Variants in THTPA observed in about 807,000 individuals in gnomAD.
The protein encoded by THTPA is thiamine triphosphatase.
Under a neutral mutation model 16.5 loss-of-function variants are expected in THTPA, and 16 were observed. The ratio of observed to expected loss-of-function variants is 0.97; its 90% CI spans 0.66 to 1.47. The LOEUF (loss-of-function observed/expected upper bound fraction) is 1.47, where lower values mean the gene tolerates loss of function less well. THTPA is among the 40% of genes most tolerant of loss of function. The pLI, the probability that THTPA is intolerant of heterozygous loss-of-function variation, is 0.00. For synonymous variants in THTPA, 110 were observed against 115.5 expected (o/e 0.95, Z 0.30); for missense variants, 281 against 280.9 (o/e 1.00, Z 0.00).
At chr14:23,523,629 G>T in the THTPA span, 1 of 1,557,160 alleles carries the variant, frequency 6.4e-7, no homozygotes. The surrounding 1 kb of genome is among the most constrained non-coding windows in gnomAD (Gnocchi z 4.1). Flanking sequence ...ACTCTCTTGG[G>T]CAGCCCAATC....
chr14:23,531,419 T>C, the THTPA span: 1 of 1,346,924 alleles, frequency 7.4e-7, no homozygotes. Context: ...GCAGCCCCCC[T>C]GCTCCCCACA....
rs1006905563 is a variant in THTPA at position 23,560,196 on chromosome 14, C to T, written c.*1356C>T. 17 of 1,588,688 alleles carry T rather than the reference C, an allele frequency of 1.1e-5. No individual in the cohort carries two copies. Among genetic ancestry groups the T allele is most frequent in the Non-Finnish European group, 1.4e-5 (16 of 1,162,334 alleles). ...CACTGTCTCCCACCCACCTCCTCCACTTAGTGGCCTTTTCTCCTGGAGTCC... is the reference window on the plus strand; with the variant it reads ...CACTGTCTCCCACCCACCTCCTCCATTTAGTGGCCTTTTCTCCTGGAGTCC... On this transcript the variant is annotated 3_prime_UTR_variant, in exon 2 of 2. Transcript: ENST00000288014.
At chr14:23,556,026 C>G (rs145388585), upstream of THTPA, 6 of 152,424 alleles carry the variant, frequency 3.9e-5, no homozygotes, top group African/African-American at 1.4e-4. Context: ...GGCTCAGCCT[C>G]AGGCATGAGA....
chr14:23,538,562 A>G, the THTPA span, among the ~76,000 whole-genome samples: 2 of 151,934 alleles, frequency 1.3e-5, no homozygotes, highest in African/African-American at 2.4e-5. Flanking sequence ...CACCCCCAAG[A>G]CCAAGATTCT....
chr14:23,523,155 GA>G, the THTPA span: 3 of 1,411,214 alleles, frequency 2.1e-6, no homozygotes, highest in Non-Finnish European at 2.8e-6. This position sits in a 1 kb window ranked among gnomAD's most constrained non-coding sequence, Gnocchi z 4.1. Flanking sequence ...CATGTCATTA[GA>G]GGGGGATGTT....
chr14:23,531,332 T>C, the THTPA span: 2 of 1,201,490 alleles, frequency 1.7e-6, no homozygotes, highest in Non-Finnish European at 2.1e-6. Context: ...TCATTCTGTC[T>C]TATCCCTTCG....
At chr14:23,550,283 G>A in the THTPA span, among the ~76,000 whole-genome samples, 2 of 152,238 alleles carry the variant, frequency 1.3e-5, no homozygotes, top group African/African-American at 4.8e-5. Context: ...AGACACATTT[G>A]CTCCATCATC....
the THTPA span, among the ~76,000 whole-genome samples, chr14:23,512,514 C>T: frequency 4.0e-5 from 6 of 151,482 alleles, no homozygotes; most frequent in Non-Finnish European, 5.9e-5. Flanking sequence ...CGAGCTCTCC[C>T]GATACCCCAC....
At chr14:23,519,878 C>A in the THTPA span, among the ~76,000 whole-genome samples, 26 of 152,156 alleles carry the variant, frequency 1.7e-4, no homozygotes, top group African/African-American at 6.0e-4. Context: ...AATGATAGAG[C>A]AACAGCCTGG....
the THTPA span, chr14:23,528,900 A>G: frequency 1.1e-6 from 1 of 915,040 alleles, no homozygotes; most frequent in South Asian, 5.0e-5. Context: ...TGTGTCAGGG[A>G]GGGGATGACT....
chr14:23,524,914 G>A, the THTPA span: 134 of 1,536,140 alleles, frequency 8.7e-5, no homozygotes, highest in East Asian at 2.7e-4. The surrounding 1 kb of genome is among the most constrained non-coding windows in gnomAD (Gnocchi z 5.6). Flanking sequence ...AGAAAGTGGC[G>A]TGGCAACGCC....
chr14:23,521,868 G>A, the THTPA span: 13 of 1,499,902 alleles, frequency 8.7e-6, no homozygotes, highest in East Asian at 2.5e-4. Context: ...GGGGCCAGGG[G>A]GTGGGGTGAG....
chr14:23,541,514 C>T, the THTPA span, among the ~76,000 whole-genome samples: 1 of 151,636 alleles, frequency 6.6e-6, no homozygotes, highest in Non-Finnish European at 1.5e-5. Flanking sequence ...CTCAAACTCC[C>T]AACCTCAGGT....
At chr14:23,511,981 CCTT>C in the THTPA span, 2 of 152,406 alleles carry the variant, frequency 1.3e-5, no homozygotes, top group African/African-American at 2.4e-5. Flanking sequence ...CCTCCTTCAT[CCTT>C]CTTTTGGGTT....
the THTPA span, among the ~76,000 whole-genome samples, chr14:23,539,063 C>G: frequency 1.3e-5 from 2 of 152,294 alleles, no homozygotes; most frequent in South Asian, 4.1e-4. Flanking sequence ...ATGAATCTTG[C>G]AGCTCCAAAA....
chr14:23,533,542 T>A, the THTPA span: 2 of 1,536,130 alleles, frequency 1.3e-6, no homozygotes, highest in Non-Finnish European at 1.7e-6. The surrounding 1 kb of genome is among the most constrained non-coding windows in gnomAD (Gnocchi z 4.8). Flanking sequence ...TAGGACATTC[T>A]GCATGTGCTT....
At chr14:23,532,565 A>C in the THTPA span, 1 of 1,435,582 alleles carries the variant, frequency 7.0e-7, no homozygotes, top group Non-Finnish European at 9.1e-7. Context: ...ACCCAGCCTC[A>C]CCTTATAGAT....
chr14:23,531,262 C>T, the THTPA span: 1 of 557,012 alleles, frequency 1.8e-6, no homozygotes. Context: ...ATCCACCCAG[C>T]AAAGCCCCTG....
the THTPA span, chr14:23,523,345 T>C: frequency 6.8e-7 from 1 of 1,465,714 alleles, no homozygotes; most frequent in Non-Finnish European, 9.0e-7. The surrounding 1 kb of genome is among the most constrained non-coding windows in gnomAD (Gnocchi z 4.1). Context: ...CCTTGAGAGC[T>C]GGGGGAGCCT....
Sources: gnomAD v4.1 joint callset for allele counts (sites outside exome capture counted in the v4.1 genomes callset) on GRCh38, gnomAD v4.1.1 for gene constraint, Gnocchi (gnomAD v3.1) non-coding constraint, MANE v1.5 for transcripts, NCBI Gene and HGNC (gene_info 2026-07-23, HGNC 2026-07-21) for gene names.